The following ULK4 variants were observed in gnomAD, a reference collection of about 807,000 sequenced individuals.
The protein encoded by ULK4 is unc-51 like kinase 4.
ULK4 carries 133 observed loss-of-function variants against 160.6 expected under a neutral mutation model. The observed-to-expected ratio is 0.83, with a 90% confidence interval of 0.72 to 0.96. ULK4 has a LOEUF of 0.96. Ranked by LOEUF, ULK4 falls within the 40% of genes least tolerant of loss-of-function variation. The pLI is 0.00. For synonymous variants in ULK4, 534 were observed against 539.8 expected, an observed-to-expected ratio of 0.99 and a Z score of 0.15; for missense variants, 1,580 against 1,499.5, an observed-to-expected ratio of 1.05 and a Z score of -0.89.
intron 18 of ULK4, among the ~76,000 whole-genome samples, chr3:41,835,242 C>G (rs1414806262): frequency 6.6e-6 from 1 of 152,090 alleles, no homozygotes; most frequent in African/African-American, 2.4e-5. Context: ...GACATAACCT[C>G]CTTAATTACT....
chr3:41,816,160 A>G (rs73077386), intron 19 of ULK4, among the ~76,000 whole-genome samples: 18,794 of 151,966 alleles, frequency 0.12, 1,346 homozygotes, highest in Middle Eastern at 0.26. Context: ...TGGCTACATT[A>G]AAATTAAGAA....
At chr3:41,314,494 G>C (rs1011647580) in intron 35 of ULK4, among the ~76,000 whole-genome samples, 1 of 152,082 alleles carries the variant, frequency 6.6e-6, no homozygotes, top group Non-Finnish European at 1.5e-5. Context: ...GTATAGTGTA[G>C]GCTACTAAGT....
intron 35 of ULK4, chr3:41,258,473 C>T (rs995496080): frequency 1.3e-5 from 2 of 152,128 alleles, no homozygotes; most frequent in Non-Finnish European, 2.9e-5. Context: ...CAAGAGAACG[C>T]CAGCGAAGAG....
chr3:41,867,852 T>C (rs1366127901), intron 17 of ULK4, among the ~76,000 whole-genome samples: 2 of 152,234 alleles, frequency 1.3e-5, no homozygotes, highest in Non-Finnish European at 2.9e-5. Flanking sequence ...TTTAAATATT[T>C]TCTAAAAATT....
chr3:41,335,834 G>A (rs1024232577), intron 35 of ULK4, among the ~76,000 whole-genome samples: 2 of 151,976 alleles, frequency 1.3e-5, no homozygotes, highest in Admixed American at 1.3e-4. Flanking sequence ...AAGCCTCTAA[G>A]GGAATATGTA....
rs552387044 is a variant in ULK4, at chr3:41,564,871, C to A, written c.3226+1154G>T. Among the ~76,000 whole-genome samples, 15 of 152,290 alleles carry A rather than the reference C, an allele frequency of 9.8e-5. No individual in the cohort carries two copies. In the South Asian group the frequency reaches 3.1e-3, roughly 32 times the overall value. ...CCTTCACATTCACTCCCCACCCAGTCACTGACTCCCTCAGGGCAACTTTCA... is the reference window on the plus strand; with the variant it reads ...CCTTCACATTCACTCCCCACCCAGTAACTGACTCCCTCAGGGCAACTTTCA... On this transcript the variant is annotated intron_variant, in intron 32 of 36. Coordinates refer to ENST00000301831, the MANE Select transcript of ULK4 (RefSeq NM_017886.4).
At chr3:41,497,020 A>G (rs2085015566) in intron 32 of ULK4, among the ~76,000 whole-genome samples, 1 of 134,962 alleles carries the variant, frequency 7.4e-6, no homozygotes, top group African/African-American at 2.8e-5. Context: ...GCAAAGCAGC[A>G]GGGAAATGTA....
At chr3:41,896,795 T>G in intron 15 of ULK4, 27 bp downstream of exon 15, 2 of 1,557,816 alleles carry the variant, frequency 1.3e-6, no homozygotes, top group Non-Finnish European at 1.7e-6. Flanking sequence ...CAAATTAAAA[T>G]GCATAAGGCA....
chr3:41,776,033 T>C (rs904014419), intron 21 of ULK4, among the ~76,000 whole-genome samples: 2 of 150,984 alleles, frequency 1.3e-5, no homozygotes, highest in Non-Finnish European at 1.5e-5. Flanking sequence ...GGTATGTGCA[T>C]CTTCAACTTC....
chr3:41,886,265 T>C (rs1426715367), intron 16 of ULK4, among the ~76,000 whole-genome samples: 2 of 152,220 alleles, frequency 1.3e-5, no homozygotes, highest in Non-Finnish European at 2.9e-5. Context: ...ATGTTGTAGT[T>C]ACTTATTCAT....
At chr3:41,687,000 T>C (rs1488101618) in intron 27 of ULK4, among the ~76,000 whole-genome samples, 2 of 152,072 alleles carry the variant, frequency 1.3e-5, no homozygotes, top group Non-Finnish European at 2.9e-5. Flanking sequence ...GGAGGATAGC[T>C]TGAGCCCAGG....
chr3:41,573,766 T>C (rs2088086102), intron 31 of ULK4, among the ~76,000 whole-genome samples: 1 of 152,202 alleles, frequency 6.6e-6, no homozygotes. Flanking sequence ...ATGCACTCCA[T>C]GTACAATGGC....
chr3:41,357,634 G>C (rs185379098), intron 35 of ULK4, among the ~76,000 whole-genome samples: 1 of 152,320 alleles, frequency 6.6e-6, no homozygotes, highest in African/African-American at 2.4e-5. Context: ...CTAGTGCAGA[G>C]CCTAGCACAG....
intron 3 of ULK4, chr3:41,937,135 TATG>T (rs1676907306): frequency 2.2e-6 from 1 of 445,700 alleles, no homozygotes; most frequent in African/African-American, 2.0e-5. Flanking sequence ...TATGAATTAC[TATG>T]ATGAAGGGAA....
chr3:41,757,586 C>T (rs138604177), intron 21 of ULK4, among the ~76,000 whole-genome samples: 1,744 of 141,074 alleles, frequency 0.012, 14 homozygotes, highest in Non-Finnish European at 0.018. Flanking sequence ...GAGCCGATAT[C>T]GTGCCACTAC....
rs116105901 is a variant in ULK4 at position 41,750,072 on chromosome 3, C to A, written c.2321+4289G>T. ...CTTGGAAGAGGACTCCGAGCCTCAA[C>A]TGAGAATCTCAGCACCAGCCAACAC... On this transcript the variant is annotated intron_variant, in intron 22 of 36. Transcript: ENST00000301831. 7.5e-3 allele frequency among the ~76,000 whole-genome samples: 1,138 copies of A among 152,306 alleles called. 12 individuals are homozygous for A. The highest frequency in any genetic ancestry group is 0.026 in the African/African-American group (1,098 of 41,564).
intron 25 of ULK4, among the ~76,000 whole-genome samples, chr3:41,713,498 A>T (rs1373318129): frequency 1.3e-5 from 2 of 152,238 alleles, no homozygotes; most frequent in Non-Finnish European, 2.9e-5. Context: ...AATAAGAAAA[A>T]TAATTCAAGA....
chr3:41,877,022 A>G (rs1697329161), intron 17 of ULK4, among the ~76,000 whole-genome samples: 1 of 152,250 alleles, frequency 6.6e-6, no homozygotes, highest in Non-Finnish European at 1.5e-5. Flanking sequence ...CAACACTTCA[A>G]TAAAAAAGAA....
chr3:41,325,956 T>C (rs947019241), intron 35 of ULK4, among the ~76,000 whole-genome samples: 1 of 151,876 alleles, frequency 6.6e-6, no homozygotes. Flanking sequence ...TATATAGATA[T>C]AAATAAATTA....
Sources: gnomAD v4.1 joint callset for allele counts (sites outside exome capture counted in the v4.1 genomes callset) on GRCh38, gnomAD v4.1.1 for gene constraint, MANE v1.5 for transcripts, NCBI Gene and HGNC (gene_info 2026-07-23, HGNC 2026-07-21) for gene names.